ZNF112: variants seen among roughly 807,000 people sequenced by gnomAD.
ZNF112 encodes the protein zinc finger protein 112.
ZNF112 carries 37 observed loss-of-function variants against 77.7 expected under a neutral mutation model. The observed-to-expected ratio is 0.48, with a 90% CI of 0.37 to 0.63. The LOEUF (loss-of-function observed/expected upper bound fraction) is 0.63, where lower values mean the gene tolerates loss of function less well. ZNF112 is among the 20% of genes least tolerant of loss of function. ZNF112 has a pLI of 0.00. For missense variants in ZNF112, 950 were observed against 1,077.4 expected, an observed-to-expected ratio of 0.88 and a Z score of 1.66; for synonymous variants, 333 against 363.6, an observed-to-expected ratio of 0.92 and a Z score of 0.96.
chr19:44,345,367 C>T (rs780623940), intron 1 of ZNF112, among the ~76,000 whole-genome samples: 6 of 152,116 alleles, frequency 3.9e-5, no homozygotes, highest in African/African-American at 4.8e-5. Context: ...TTCCCAGATC[C>T]CCATTTCTCT....
chr19:44,330,743 AC>A (rs996671847), intron 3 of ZNF112, among the ~76,000 whole-genome samples: 4 of 152,236 alleles, frequency 2.6e-5, no homozygotes, highest in African/African-American at 4.8e-5. Flanking sequence ...CTCAAACGAA[AC>A]AAAACAACAC....
Position 44,328,227 on chromosome 19 carries a change from A to C in ZNF112, c.1930T>G (p.Phe644Val). ...EECGKGFSWS[F>V]NLQIHQRVHT... is the part of the protein sequence containing the mutation. ...ACCCTCTGATGAATTTGAAGATTAA[A>C]GCTCCAACTGAACCCCTTCCCACAT... The change falls in exon 4 of 4, where the codon TTT (phenylalanine) becomes GTT (valine). Residue 644 changes from phenylalanine to valine, a missense_variant. Phe to Val is a conservative substitution (Grantham distance 50, BLOSUM62 -1). Around this residue, in one of 3 missense-constraint regions of ZNF112, gnomAD observed 373 missense variants for 482.8 expected, o/e 0.77. Coordinates refer to ENST00000354340, the MANE Select transcript of ZNF112 (RefSeq NM_013380.4). 6.2e-7 allele frequency: 1 copy of C among 1,613,994 alleles called. No homozygotes were observed. The highest frequency in any genetic ancestry group is 1.1e-5 in the South Asian group (1 of 91,080).
intron 2 of ZNF112, among the ~76,000 whole-genome samples, 168 bp downstream of exon 2, chr19:44,340,248 T>C (rs1970465029): frequency 6.6e-6 from 1 of 152,318 alleles, no homozygotes; most frequent in Middle Eastern, 3.4e-3. Context: ...AAGGATAGAC[T>C]GGACAAAACC....
In ZNF112 at chr19:44,329,074, G is replaced by C. The variant is rs371158801; in HGVS notation, c.1083C>G (p.Ala361=). The C allele has an allele frequency of 2.6e-5, 42 of 1,613,762 alleles. No individual in the cohort carries two copies. The highest frequency in any genetic ancestry group is 3.1e-5 in the Non-Finnish European group (36 of 1,179,988). The change falls in exon 4 of 4, where the codon GCC becomes GCG. Residue 361 remains alanine, a synonymous_variant. Transcript: ENST00000354340. ...MSYRHNIYEK[A]FSHSLDLNSI... is the part of the protein sequence containing the mutation. Reference sequence around the variant, plus strand: ...TATTAAGGTCTAAGCTATGACTGAAGGCTTTCTCATAAATGTTGTGCCTAT... The same window carrying C: ...TATTAAGGTCTAAGCTATGACTGAACGCTTTCTCATAAATGTTGTGCCTAT...
intron 1 of ZNF112, chr19:44,343,420 A>C: frequency 1.3e-6 from 1 of 792,230 alleles, no homozygotes; most frequent in South Asian, 1.7e-5. Flanking sequence ...CACCGGCGTT[A>C]AGGAGCAGGT....
At chr19:44,330,980 C>A (rs1167544101) in intron 3 of ZNF112, among the ~76,000 whole-genome samples, 1 of 152,124 alleles carries the variant, frequency 6.6e-6, no homozygotes, top group Non-Finnish European at 1.5e-5. Flanking sequence ...CAGACTTTTA[C>A]TTTATGTTTG....
intron 1 of ZNF112, among the ~76,000 whole-genome samples, chr19:44,344,213 T>C (rs565297116): frequency 6.6e-6 from 1 of 152,272 alleles, no homozygotes; most frequent in East Asian, 1.9e-4. Flanking sequence ...GCAGGGTTGT[T>C]TGTGGGGCTG....
At chr19:44,356,018 A>T (rs937033054) in intron 1 of ZNF112, among the ~76,000 whole-genome samples, 56 of 152,304 alleles carry the variant, frequency 3.7e-4, no homozygotes, top group Non-Finnish European at 3.8e-4. Context: ...TCCTGCATGA[A>T]TTACAATGGA....
intron 1 of ZNF112, among the ~76,000 whole-genome samples, chr19:44,345,466 G>A (rs1161331987): frequency 6.6e-6 from 1 of 152,162 alleles, no homozygotes; most frequent in East Asian, 1.9e-4. Context: ...TCCGTGTGAG[G>A]ACAGCCTTCC....
At position 44,329,219 on chromosome 19, in the gene ZNF112, T is replaced by A. The variant is rs1284042714; in HGVS notation, c.938A>T (p.Lys313Ile). ...REDDIENSHLKSYQRVHTEEK... is the reference protein window; with the variant it reads ...REDDIENSHLISYQRVHTEEK... ...CTCTGTATGCACTCTCTGATAGGAT[T>A]TCAGATGTGAATTCTCAATATCATC... Residue 313 changes from lysine (K) to isoleucine (I), a missense_variant, in exon 4 of 4, where the codon AAA (lysine) becomes ATA (isoleucine). Transcript: ENST00000354340. The A allele has an allele frequency of 1.2e-6, 2 of 1,613,766 alleles. No homozygotes were observed. Among genetic ancestry groups the A allele is most frequent in the Non-Finnish European group, 1.7e-6 (2 of 1,179,996 alleles).
chr19:44,355,704 G>C (rs1200205026), intron 1 of ZNF112, among the ~76,000 whole-genome samples: 2 of 152,176 alleles, frequency 1.3e-5, no homozygotes, highest in African/African-American at 2.4e-5. Context: ...GAGGATTAAA[G>C]ATGTTAATTC....
intron 1 of ZNF112, among the ~76,000 whole-genome samples, chr19:44,346,620 A>G (rs928089116): frequency 3.3e-5 from 5 of 152,158 alleles, no homozygotes; most frequent in Admixed American, 1.3e-4. Flanking sequence ...TCCCACATCT[A>G]TTTTCAGAAA....
chr19:44,353,979 G>C (rs899058577), intron 1 of ZNF112, among the ~76,000 whole-genome samples: 2 of 152,208 alleles, frequency 1.3e-5, no homozygotes, highest in Admixed American at 1.3e-4. Flanking sequence ...ATCAACCAGA[G>C]AATAGATAAA....
intron 1 of ZNF112, among the ~76,000 whole-genome samples, chr19:44,350,669 A>C (rs917397282): frequency 6.6e-6 from 1 of 152,088 alleles, no homozygotes; most frequent in African/African-American, 2.4e-5. Context: ...AGTTAAAACA[A>C]GTAATATCTC....
At chr19:44,346,543 A>G (rs1007089150) in intron 1 of ZNF112, among the ~76,000 whole-genome samples, 2 of 152,196 alleles carry the variant, frequency 1.3e-5, no homozygotes, top group Non-Finnish European at 2.9e-5. Context: ...TGAAAAATCT[A>G]TTGGCTTCAG....
At chr19:44,354,409 C>T (rs73938307) in intron 1 of ZNF112, among the ~76,000 whole-genome samples, 4 of 152,094 alleles carry the variant, frequency 2.6e-5, no homozygotes, top group Admixed American at 2.6e-4. Flanking sequence ...AACACAACCT[C>T]AGTTATAAGG....
chr19:44,343,174 C>T lies in ZNF112; in HGVS notation c.-3-2632G>A, dbSNP rs563367120. On this transcript the variant is annotated intron_variant, in intron 1 of 3. Coordinates refer to ENST00000354340, the MANE Select transcript of ZNF112 (RefSeq NM_013380.4). ...GCCTGTTGTCATTCTTTACCCTTGG[C>T]AAAGAAGGGGGAAAAAGATATGTCC... 324 of 1,494,488 alleles carry T rather than the reference C, an allele frequency of 2.2e-4. 1 individual carries two copies. The highest frequency in any genetic ancestry group is 7.0e-4 in the Middle Eastern group (4 of 5,728). 92.6% of individuals were successfully genotyped at this position (1,494,488 alleles called of 1,614,324 possible).
At chr19:44,351,619 T>C (rs565405905) in intron 1 of ZNF112, among the ~76,000 whole-genome samples, 2 of 152,198 alleles carry the variant, frequency 1.3e-5, no homozygotes, top group South Asian at 4.1e-4. Flanking sequence ...TTTCCTCTCA[T>C]TATATAAATA....
rs1450188733 is a variant in ZNF112 at position 44,351,873 on chromosome 19, GAATT to G, written c.-4+4749_-4+4752del. Reference sequence around the variant, plus strand: ...CTTAACAGGCATTAGAAATATAAATGAATTAACATTAATGAATTCAAAGTGATAG... The same window carrying G: ...CTTAACAGGCATTAGAAATATAAATGAACATTAATGAATTCAAAGTGATAG... On this transcript the variant is annotated intron_variant, in intron 1 of 3. Coordinates refer to ENST00000354340, the MANE Select transcript of ZNF112 (RefSeq NM_013380.4). Among the ~76,000 whole-genome samples the G allele has an allele frequency of 3.3e-5, 5 of 152,030 alleles. 1 individual carries two copies. The highest frequency in any genetic ancestry group is 1.2e-4 in the African/African-American group (5 of 41,488).
Sources: gnomAD v4.1 joint callset for allele counts (sites outside exome capture counted in the v4.1 genomes callset) on GRCh38, gnomAD v4.1.1 for gene constraint, gnomAD v4.1.1 regional missense constraint, MANE v1.5 for transcripts, NCBI Gene and HGNC (gene_info 2026-07-23, HGNC 2026-07-21) for gene names.